The following PSD3 variants were observed in gnomAD, a reference collection of about 807,000 sequenced individuals.
The protein encoded by PSD3 is PH and SEC7 domain-containing protein 3.
PSD3 carries 49 observed loss-of-function variants against 105.5 expected under a neutral mutation model. That is an observed-to-expected ratio of 0.46 (90% CI 0.37 to 0.59). The LOEUF (loss-of-function observed/expected upper bound fraction) is 0.59. PSD3 is among the 20% of genes least tolerant of loss of function. The pLI is 0.00. For synonymous variants in PSD3, 557 were observed against 457.8 expected (o/e 1.22, Z -2.77); for missense variants, 1,561 against 1,263.8 (o/e 1.24, Z -3.57).
At chr8:18,667,042 C>T (rs1799509027) in intron 9 of PSD3, among the ~76,000 whole-genome samples, 2 of 152,096 alleles carry the variant, frequency 1.3e-5, no homozygotes, top group African/African-American at 4.8e-5. Flanking sequence ...CGTGGTCTCG[C>T]TGGCTTCAGG....
chr8:18,563,964 G>A (rs2410572), intron 14 of PSD3, among the ~76,000 whole-genome samples: 65,755 of 151,990 alleles, frequency 0.43, 16,333 homozygotes, highest in Non-Finnish European at 0.56. Context: ...ATGACCCACT[G>A]CAAAGAGTTT....
intron 9 of PSD3, among the ~76,000 whole-genome samples, chr8:18,725,227 C>G (rs1478064813): frequency 6.6e-6 from 1 of 152,120 alleles, no homozygotes; most frequent in African/African-American, 2.4e-5. Context: ...CCCAAGAACT[C>G]TTTTATTTTT....
chr8:19,064,493 C>T (rs911895483), intron 1 of PSD3, among the ~76,000 whole-genome samples: 2 of 152,096 alleles, frequency 1.3e-5, no homozygotes, highest in South Asian at 4.2e-4. Context: ...TAGTCGTTGC[C>T]TCAAGCGTTT....
chr8:18,946,098 G>A (rs958753135), intron 1 of PSD3, among the ~76,000 whole-genome samples: 8 of 152,124 alleles, frequency 5.3e-5, no homozygotes, highest in African/African-American at 1.7e-4. Flanking sequence ...TACTCCACCT[G>A]TACTGTTCCT....
chr8:18,979,066 G>A (rs1825110151), intron 1 of PSD3, among the ~76,000 whole-genome samples: 1 of 152,006 alleles, frequency 6.6e-6, no homozygotes, highest in Non-Finnish European at 1.5e-5. Context: ...TCATCTGGAG[G>A]ACGAATGGGT....
At chr8:18,881,487 T>C (rs911821202) in intron 2 of PSD3, among the ~76,000 whole-genome samples, 1 of 152,252 alleles carries the variant, frequency 6.6e-6, no homozygotes, top group East Asian at 1.9e-4. Context: ...GAAAAGACAA[T>C]AGTTCAAGAA....
intron 10 of PSD3, among the ~76,000 whole-genome samples, chr8:18,649,443 G>T (rs1004105570): frequency 6.6e-6 from 1 of 152,198 alleles, no homozygotes; most frequent in South Asian, 2.1e-4. Flanking sequence ...TTTTGGAATA[G>T]GAGTATTTAG....
chr8:18,575,638 T>C (rs192820394), intron 12 of PSD3, among the ~76,000 whole-genome samples: 8 of 152,282 alleles, frequency 5.3e-5, no homozygotes, highest in Admixed American at 5.2e-4. Context: ...GGACCAATAG[T>C]GTGATTTGGT....
rs115703536 is a variant in PSD3 at position 18,715,905 on chromosome 8, A to C, written c.2172+49544T>G. ...AGGTAGAGACAGACACAGCAGTAAA[A>C]ATGCAAAGCATCTAACTTCATAGAA... On this transcript the variant is annotated intron_variant, in intron 9 of 15. Coordinates refer to ENST00000327040, the MANE Select transcript of PSD3 (RefSeq NM_015310.4). 9.2e-3 allele frequency among the ~76,000 whole-genome samples: 1,402 copies of C among 152,358 alleles called. 27 individuals carry two copies. The highest frequency in any genetic ancestry group is 0.032 in the African/African-American group (1,325 of 41,582).
intron 1 of PSD3, among the ~76,000 whole-genome samples, chr8:18,942,085 G>A (rs1023331079): frequency 1.3e-5 from 2 of 152,140 alleles, no homozygotes; most frequent in African/African-American, 4.8e-5. Context: ...GATTTGGGAA[G>A]GGAATGATGG....
intron 9 of PSD3, among the ~76,000 whole-genome samples, chr8:18,752,375 T>C (rs1805562977): frequency 6.9e-6 from 1 of 144,758 alleles, no homozygotes; most frequent in Non-Finnish European, 1.5e-5. Context: ...GAGGGTCTCT[T>C]GTCCTTAAGA....
intron 1 of PSD3, among the ~76,000 whole-genome samples, chr8:18,939,084 C>T (rs73666758): frequency 0.024 from 3,598 of 152,220 alleles, 155 homozygotes; most frequent in African/African-American, 0.082. Flanking sequence ...AGAAAAGATG[C>T]CATCTATACA....
At chr8:18,599,442 C>T (rs1170761646) in intron 12 of PSD3, among the ~76,000 whole-genome samples, 3 of 152,016 alleles carry the variant, frequency 2.0e-5, no homozygotes, top group African/African-American at 7.3e-5. Context: ...ATATTTGCAC[C>T]CCATGTTCAT....
chr8:18,610,898 C>T lies in PSD3; in HGVS notation c.2411-10464G>A, dbSNP rs576011780. Among the ~76,000 whole-genome samples the T allele has an allele frequency of 3.2e-4, 48 of 152,146 alleles. 1 individual carries two copies. The South Asian group carries it at 7.3e-3, about 23-fold the overall frequency. ...CACACCATGATGCCCACTATTTCTC[C>T]GCTTTTGGACAAGTAATCTAAACAT... On this transcript the variant is annotated intron_variant, in intron 11 of 15. Coordinates refer to ENST00000327040, the MANE Select transcript of PSD3 (RefSeq NM_015310.4).
chr8:18,945,067 G>A (rs202150645), intron 1 of PSD3, among the ~76,000 whole-genome samples: 2 of 151,238 alleles, frequency 1.3e-5, no homozygotes, highest in East Asian at 1.9e-4. Context: ...ATTTCAGACA[G>A]ACACACACAC....
At chr8:18,829,099 T>C (rs1361012400) in intron 4 of PSD3, among the ~76,000 whole-genome samples, 1 of 151,634 alleles carries the variant, frequency 6.6e-6, no homozygotes, top group Non-Finnish European at 1.5e-5. Context: ...ATTTAAAAAT[T>C]AGTTGGGCAT....
At chr8:18,970,513 A>T (rs374432523) in intron 1 of PSD3, among the ~76,000 whole-genome samples, 1 of 152,110 alleles carries the variant, frequency 6.6e-6, no homozygotes, top group Non-Finnish European at 1.5e-5. Context: ...ACAATCAGAC[A>T]TAGTTTCACC....
chr8:18,943,718 T>C (rs566164222), intron 1 of PSD3, among the ~76,000 whole-genome samples: 4 of 152,198 alleles, frequency 2.6e-5, no homozygotes, highest in East Asian at 1.9e-4. Flanking sequence ...GGTAAAACAA[T>C]AGTTTTATTA....
intron 12 of PSD3, among the ~76,000 whole-genome samples, chr8:18,583,641 T>C (rs1189231422): frequency 6.6e-6 from 1 of 152,166 alleles, no homozygotes; most frequent in East Asian, 1.9e-4. Context: ...TAGCTTCCAT[T>C]TGTGTTTTTA....
Sources: allele counts gnomAD v4.1 joint callset (sites outside exome capture counted in the v4.1 genomes callset), GRCh38; gene constraint gnomAD v4.1.1; transcripts MANE v1.5; gene names NCBI Gene and HGNC (gene_info 2026-07-23, HGNC 2026-07-21).